The following CLEC12B variants were observed in gnomAD, a reference collection of about 807,000 sequenced individuals.
The protein encoded by CLEC12B is C-type lectin domain family 12 member B.
CLEC12B carries 25 observed loss-of-function variants against 36.1 expected under a neutral mutation model. The ratio of observed to expected loss-of-function variants is 0.69; its 90% CI spans 0.50 to 0.97. The LOEUF is 0.97. Among genes scored for constraint, CLEC12B ranks in the 50% least tolerant of loss-of-function variants. CLEC12B has a pLI of 0.00. For synonymous variants in CLEC12B, 110 were observed against 108.5 expected, an observed-to-expected ratio of 1.01 and a Z score of -0.09; for missense variants, 325 against 318.4, an observed-to-expected ratio of 1.02 and a Z score of -0.16.
chr12:10,009,135 CA>C (rs748516524), upstream of CLEC12B, among the ~76,000 whole-genome samples: 1 of 152,096 alleles, frequency 6.6e-6, no homozygotes, highest in African/African-American at 2.4e-5. Flanking sequence ...AAAAGCTAGC[CA>C]CCCCAGCCAG....
At chr12:10,014,894 C>A (rs1865440550) in intron 3 of CLEC12B, among the ~76,000 whole-genome samples, 153 bp downstream of exon 3, 1 of 152,200 alleles carries the variant, frequency 6.6e-6, no homozygotes, top group Non-Finnish European at 1.5e-5. Context: ...AGGAAATATA[C>A]AAATTCATTT....
Position 10,012,808 on chromosome 12 carries a change from T to C in CLEC12B, c.115T>C (p.Trp39Arg). Residue 39 changes from tryptophan to arginine, a missense_variant, in exon 2 of 6, where the codon TGG becomes CGG. Physicochemically the swap from Trp to Arg is moderately radical, Grantham distance 101. Coordinates refer to ENST00000338896, the MANE Select transcript of CLEC12B (RefSeq NM_001129998.3). Reference sequence around the variant, plus strand: ...AGGGCATCCAGCTCCATCTCCCATTTGGCGTCATGCTGCTCTGGGTCTGGT... The same window carrying C: ...AGGGCATCCAGCTCCATCTCCCATTCGGCGTCATGCTGCTCTGGGTCTGGT... ...KRGHPAPSPI[W>R]RHAALGLVTL... is the part of the protein sequence containing the mutation. 1 of 1,613,744 alleles carries C rather than the reference T, an allele frequency of 6.2e-7. No homozygotes were observed. The highest frequency in any genetic ancestry group is 1.3e-5 in the African/African-American group (1 of 75,052).
rs1022431761 is a variant in CLEC12B at position 10,014,528 on chromosome 12, C to T, written c.196C>T (p.Gln66Ter). Residue 66 changes from glutamine to a stop codon, truncating the protein, a stop_gained, in exon 3 of 6, where the codon CAG (glutamine) becomes TAG (stop). Coordinates refer to ENST00000338896, the MANE Select transcript of CLEC12B (RefSeq NM_001129998.3). LOFTEE classifies it high-confidence loss of function. The stretch of plus-strand genomic sequence containing the variant: ...TCTCCTGTCATGTCTTGGAGTTTTG[C>T]AGATATCTAATGACATTAACTCAGA... Reference protein sequence around the residue: ...GLVTLGMMFLQISNDINSDSE... With the variant: ...GLVTLGMMFL The T allele has an allele frequency of 6.2e-7, 1 of 1,610,386 alleles. No individual in the cohort carries two copies. Among genetic ancestry groups the T allele is most frequent in the Admixed American group, 1.7e-5 (1 of 59,892 alleles).
At chr12:10,016,586 T>A in intron 5 of CLEC12B, 2 of 264,690 alleles carry the variant, frequency 7.6e-6, no homozygotes, top group Non-Finnish European at 1.2e-5. Flanking sequence ...ATAATAGTAT[T>A]TTTCTATTAG....
rs1445915763 is a variant in CLEC12B, at chr12:10,018,445, G to A, written c.795G>A (p.Lys265=). 3 of 1,550,846 alleles carry A rather than the reference G, an allele frequency of 1.9e-6. No homozygotes were observed. The highest frequency in any genetic ancestry group is 2.0e-5 in the Admixed American group (1 of 50,886). The part of the protein sequence containing the change: ...CSAEIFWICE[K]TAAPVKTEDL... Reference sequence around the variant, plus strand: ...CTGAAATTTTTTGGATTTGCGAGAAGACAGCTGCCCCAGTGAAGACTGAGG... The same window carrying A: ...CTGAAATTTTTTGGATTTGCGAGAAAACAGCTGCCCCAGTGAAGACTGAGG... Residue 265 remains lysine, a synonymous_variant, in exon 6 of 6, where the codon AAG becomes AAA. Coordinates refer to ENST00000338896, the MANE Select transcript of CLEC12B (RefSeq NM_001129998.3).
At chr12:10,008,890 G>A (rs769094746), upstream of CLEC12B, among the ~76,000 whole-genome samples, 1 of 152,202 alleles carries the variant, frequency 6.6e-6, no homozygotes, top group Non-Finnish European at 1.5e-5. Flanking sequence ...TCTGGTGAAA[G>A]TCATGAGACG....
chr12:10,014,531 A>C lies in CLEC12B; in HGVS notation c.199A>C (p.Ile67Leu), dbSNP rs144806536. 2 of 1,612,132 alleles carry C rather than the reference A, an allele frequency of 1.2e-6. No individual in the cohort carries two copies. The highest frequency in any genetic ancestry group is 1.7e-5 in the Admixed American group (1 of 59,942). The change falls in exon 3 of 6, where the codon ATA (isoleucine) becomes CTA (leucine). Residue 67 changes from isoleucine (I) to leucine (L), a missense_variant. Coordinates refer to ENST00000338896, the MANE Select transcript of CLEC12B (RefSeq NM_001129998.3). Reference sequence around the variant, plus strand: ...CCTGTCATGTCTTGGAGTTTTGCAGATATCTAATGACATTAACTCAGATTC... The same window carrying C: ...CCTGTCATGTCTTGGAGTTTTGCAGCTATCTAATGACATTAACTCAGATTC... ...LVTLGMMFLQ[I>L]SNDINSDSEK...
chr12:10,015,727 T>G lies in CLEC12B; in HGVS notation c.680T>G (p.Leu227Ter), dbSNP rs772832018. The G allele has an allele frequency of 6.2e-7, 1 of 1,613,582 alleles. No homozygotes were observed. Among genetic ancestry groups the G allele is most frequent in the Non-Finnish European group, 8.5e-7 (1 of 1,179,596 alleles). The change falls in exon 5 of 6, where the codon TTA (leucine) becomes TGA (stop). Residue 227 changes from leucine (L) to a stop codon, truncating the protein, a stop_gained and splice_region_variant. Coordinates refer to ENST00000338896, the MANE Select transcript of CLEC12B (RefSeq NM_001129998.3). LOFTEE classifies it high-confidence loss of function. Reference sequence around the variant, plus strand: ...GATGGCTCTGTTCCCTCTCCATCCTTGTACGTCTCTAACTATTGAGGGTAA... The same window carrying G: ...GATGGCTCTGTTCCCTCTCCATCCTGGTACGTCTCTAACTATTGAGGGTAA... ...WEDGSVPSPS[L>*]FSTKELDQIN...
chr12:10,014,377 C>A, intron 2 of CLEC12B, 146 bp from the exon 3 acceptor site: 1 of 540,202 alleles, frequency 1.9e-6, no homozygotes, highest in Non-Finnish European at 3.3e-6. Context: ...AATAGAAAGG[C>A]ATCTGGTTTG....
At chr12:10,014,825 TGAGA>T (rs1208938237) in intron 3 of CLEC12B, 84 bp downstream of exon 3, 1 of 871,616 alleles carries the variant, frequency 1.1e-6, no homozygotes, top group Non-Finnish European at 1.9e-6. Flanking sequence ...CTAAGAGTAT[TGAGA>T]GAGTTATGTC....
rs1379784048 is a variant in CLEC12B, at chr12:10,010,687, AAC to A, written c.-69_-68del. On this transcript the variant is annotated 5_prime_UTR_variant, in exon 1 of 6. It adds an upstream start codon to the 5' untranslated region. Transcript: ENST00000338896. ...TACATCAAAGCTCCCAGCCTTGAAA[AAC>A]ACATGCTGTTCCCAGGCCTCAAGAT... 13 of 978,986 alleles carry A rather than the reference AAC, an allele frequency of 1.3e-5. No homozygotes were observed. The African/African-American group carries it at 2.0e-4, about 15-fold the overall frequency. 60.6% of individuals were successfully genotyped at this position (978,986 alleles called of 1,614,324 possible).
intron 5 of CLEC12B, chr12:10,017,625 G>A: frequency 3.0e-6 from 3 of 985,734 alleles, no homozygotes; most frequent in Non-Finnish European, 3.6e-6. Flanking sequence ...CTTGACTACT[G>A]AGTAAAGGCC....
upstream of CLEC12B, among the ~76,000 whole-genome samples, chr12:10,007,575 AG>A (rs1362885796): frequency 6.6e-6 from 1 of 152,256 alleles, no homozygotes; most frequent in Non-Finnish European, 1.5e-5. Flanking sequence ...TTTAGTTTGT[AG>A]AAAGAGAAGA....
intron 1 of CLEC12B, among the ~76,000 whole-genome samples, chr12:10,011,591 A>C (rs1335085449): frequency 6.6e-6 from 1 of 152,194 alleles, no homozygotes; most frequent in Non-Finnish European, 1.5e-5. Flanking sequence ...TCATTCTCTT[A>C]TGCCTAATTG....
upstream of CLEC12B, among the ~76,000 whole-genome samples, chr12:10,010,191 GTCTCTC>G (rs761413491): frequency 2.9e-5 from 3 of 105,250 alleles, no homozygotes; most frequent in African/African-American, 1.0e-4. Context: ...GTCTCTCTCT[GTCTCTC>G]TCTCACACAC....
intron 5 of CLEC12B, chr12:10,017,298 A>G: frequency 1.0e-6 from 1 of 985,340 alleles, no homozygotes; most frequent in Non-Finnish European, 1.2e-6. Context: ...TTGTGACAAG[A>G]GCAATATTGG....
rs541167898 is a variant in CLEC12B at position 10,010,961 on chromosome 12, A to T, written c.91+111A>T. 277 of 633,196 alleles carry T rather than the reference A, an allele frequency of 4.4e-4. 2 individuals carry two copies. In the South Asian group the frequency reaches 4.9e-3, roughly 11 times the overall value. 39.2% of individuals were successfully genotyped at this position (633,196 alleles called of 1,614,324 possible). ...TAAAGACATGTGCTGTGAAATCTCC[A>T]AAATGGGGACAAATAGTTGTGGAAT... is the stretch of plus-strand genomic sequence containing the variant. On this transcript the variant is annotated intron_variant, in intron 1 of 5. Transcript: ENST00000338896.
Position 10,018,514 on chromosome 12 carries a change from G to T in CLEC12B, c.*33G>T. 6.5e-7 allele frequency: 1 copy of T among 1,532,740 alleles called. No homozygotes were observed. The highest frequency in any genetic ancestry group is 1.2e-5 in the South Asian group (1 of 81,202). The allele number at this position is 1,532,740 out of a possible 1,614,324, so 94.9% of individuals were successfully genotyped here. A position where few individuals can be genotyped will look rare whatever the true frequency, so the allele number is the denominator to read the frequency against. On this transcript the variant is annotated 3_prime_UTR_variant, in exon 6 of 6. Transcript: ENST00000338896. ...CTTCCAAATTCTCCAAGAAGTAAGA[G>T]ACTTGTGAGTAAGCTCATATGAGGA...
At chr12:10,013,015 T>C (rs1173471952) in intron 2 of CLEC12B, 132 bp downstream of exon 2, 5 of 689,778 alleles carry the variant, frequency 7.2e-6, no homozygotes, top group Admixed American at 2.6e-5. Context: ...CTCATATCTC[T>C]CCTATTCGTC....
Sources: allele counts gnomAD v4.1 joint callset (sites outside exome capture counted in the v4.1 genomes callset), GRCh38; gene constraint gnomAD v4.1.1; transcripts MANE v1.5; gene names NCBI Gene and HGNC (gene_info 2026-07-23, HGNC 2026-07-21).